Variants in SPOCK1 observed in about 807,000 individuals in gnomAD.
SPOCK1 encodes the protein testican-1.
Under a neutral mutation model 55.3 loss-of-function variants are expected in SPOCK1, and 23 were observed. The ratio of observed to expected loss-of-function variants is 0.42; its 90% CI spans 0.30 to 0.59. The LOEUF is 0.59. Ranked by LOEUF, SPOCK1 falls within the 20% of genes least tolerant of loss-of-function variation. SPOCK1 has a pLI of 0.22. For synonymous variants in SPOCK1, 226 were observed against 221.0 expected (o/e 1.02, Z -0.20); for missense variants, 499 against 552.5 (o/e 0.90, Z 0.97).
chr5:137,329,440 C>T (rs368455893), intron 2 of SPOCK1, among the ~76,000 whole-genome samples: 1 of 152,044 alleles, frequency 6.6e-6, no homozygotes, highest in African/African-American at 2.4e-5. Flanking sequence ...GGTTCTTTTT[C>T]TCTGGAGAAC....
chr5:137,424,907 G>A (rs1528966), intron 2 of SPOCK1, among the ~76,000 whole-genome samples: 56,100 of 152,034 alleles, frequency 0.37, 11,129 homozygotes, highest in East Asian at 0.64. Flanking sequence ...ATTTACATGC[G>A]TGAATACATT....
chr5:137,359,605 G>A (rs1750896785), intron 2 of SPOCK1, among the ~76,000 whole-genome samples: 1 of 152,190 alleles, frequency 6.6e-6, no homozygotes, highest in Admixed American at 6.5e-5. Flanking sequence ...GTAAAGAAAT[G>A]CAAATTGTGT....
At chr5:137,130,267 T>C (rs1227062318) in intron 4 of SPOCK1, among the ~76,000 whole-genome samples, 1 of 152,232 alleles carries the variant, frequency 6.6e-6, no homozygotes, top group African/African-American at 2.4e-5. Context: ...ATACTTATTT[T>C]TTTTCATCTG....
chr5:137,443,167 C>T (rs1580930042), intron 2 of SPOCK1, among the ~76,000 whole-genome samples: 2 of 152,074 alleles, frequency 1.3e-5, no homozygotes, highest in South Asian at 4.1e-4. Context: ...TATTTAAACT[C>T]GGAGCCCCTA....
In SPOCK1 at chr5:137,487,621, A is replaced by G. The variant is rs80069462; in HGVS notation, c.186+10752T>C. Among the ~76,000 whole-genome samples the G allele has an allele frequency of 2.7e-3, 404 of 152,352 alleles. 1 individual carries two copies. Among genetic ancestry groups the G allele is most frequent in the African/African-American group, 9.0e-3 (375 of 41,566 alleles). ...CCTTCATTTCGTCTGTGCAGAAAACATATCAGTTGGGTTAGATACAAAGTC... is the reference window on the plus strand; with the variant it reads ...CCTTCATTTCGTCTGTGCAGAAAACGTATCAGTTGGGTTAGATACAAAGTC... On this transcript the variant is annotated intron_variant, in intron 2 of 10. Transcript: ENST00000394945.
intron 2 of SPOCK1, among the ~76,000 whole-genome samples, chr5:137,427,907 T>TAA (rs75837887): frequency 0.013 from 1,381 of 104,132 alleles, 16 homozygotes; most frequent in African/African-American, 0.038. Flanking sequence ...AGACTCCGTC[T>TAA]AAAAAAAAAA....
Position 137,417,939 on chromosome 5 carries a change from T to C in SPOCK1, c.186+80434A>G, listed in dbSNP as rs530943779. The stretch of plus-strand genomic sequence containing the variant: ...ATTTAACATTAGGTATATCTCCTAA[T>C]GCTATTCCTCCCCCCTCCCGCTACC... On this transcript the variant is annotated intron_variant, in intron 2 of 10. Transcript: ENST00000394945. Among the ~76,000 whole-genome samples, 35 of 152,344 alleles carry C rather than the reference T, an allele frequency of 2.3e-4. No individual in the cohort carries two copies. In the South Asian group the frequency reaches 4.6e-3, roughly 20 times the overall value.
chr5:136,989,460 G>C (rs566566799), intron 7 of SPOCK1, among the ~76,000 whole-genome samples: 39 of 152,118 alleles, frequency 2.6e-4, no homozygotes, highest in Non-Finnish European at 4.7e-4. Context: ...TGGATTTCTA[G>C]GGCTAGTTGT....
intron 3 of SPOCK1, among the ~76,000 whole-genome samples, chr5:137,153,361 T>C (rs1297291738): frequency 6.6e-6 from 1 of 152,234 alleles, no homozygotes; most frequent in East Asian, 1.9e-4. Flanking sequence ...CTTTTATTGT[T>C]TTGTTTCACA....
intron 2 of SPOCK1, among the ~76,000 whole-genome samples, chr5:137,474,001 A>T (rs1309251067): frequency 6.6e-6 from 1 of 152,228 alleles, no homozygotes; most frequent in Admixed American, 6.5e-5. Context: ...TGGAAAATCA[A>T]ATATCACATG....
chr5:137,441,314 A>G (rs1184826907), intron 2 of SPOCK1, among the ~76,000 whole-genome samples: 1 of 152,238 alleles, frequency 6.6e-6, no homozygotes, highest in Admixed American at 6.5e-5. Context: ...GCAGAGGGCC[A>G]CTGCCTCAGC....
chr5:137,106,885 C>T (rs1753381296), intron 5 of SPOCK1, among the ~76,000 whole-genome samples: 1 of 152,196 alleles, frequency 6.6e-6, no homozygotes, highest in Non-Finnish European at 1.5e-5. Context: ...CCCTACCTCA[C>T]ATGTGACCCA....
chr5:137,300,585 T>A (rs1337883401), intron 2 of SPOCK1, among the ~76,000 whole-genome samples: 1 of 152,228 alleles, frequency 6.6e-6, no homozygotes, highest in Non-Finnish European at 1.5e-5. Context: ...CAGCTGAAAC[T>A]GCTCAGTTCT....
At chr5:137,030,378 C>T (rs765868223) in intron 6 of SPOCK1, among the ~76,000 whole-genome samples, 4 of 152,174 alleles carry the variant, frequency 2.6e-5, no homozygotes, top group South Asian at 4.1e-4. Context: ...GTGACTACGC[C>T]ATGGCAATTC....
chr5:137,067,930 G>C, intron 5 of SPOCK1, 101 bp from the exon 6 acceptor site: 3 of 924,368 alleles, frequency 3.2e-6, no homozygotes, highest in Non-Finnish European at 1.7e-6. Flanking sequence ...CAAAAGCAAA[G>C]ACAAAGCAGG....
intron 2 of SPOCK1, among the ~76,000 whole-genome samples, chr5:137,372,480 C>A (rs1253681242): frequency 2.6e-5 from 4 of 152,098 alleles, no homozygotes; most frequent in Non-Finnish European, 4.4e-5. Flanking sequence ...AAGGCACCAT[C>A]ACTAAAACTT....
intron 2 of SPOCK1, among the ~76,000 whole-genome samples, chr5:137,348,374 T>C (rs904307471): frequency 1.4e-5 from 2 of 147,696 alleles, no homozygotes; most frequent in Admixed American, 1.4e-4. Context: ...ATCAAATCCA[T>C]ACAGCAAGTG....
intron 2 of SPOCK1, among the ~76,000 whole-genome samples, chr5:137,401,277 G>A (rs1580905358): frequency 6.6e-6 from 1 of 151,068 alleles, no homozygotes; most frequent in Non-Finnish European, 1.5e-5. Context: ...AGAGTCTTGT[G>A]GGGGGCAGGG....
intron 2 of SPOCK1, among the ~76,000 whole-genome samples, chr5:137,307,351 A>G (rs887559185): frequency 5.3e-5 from 8 of 152,198 alleles, no homozygotes; most frequent in Non-Finnish European, 2.9e-5. Flanking sequence ...TGATTTACCT[A>G]CTTTTCTCCA....
Sources: allele counts gnomAD v4.1 joint callset (sites outside exome capture counted in the v4.1 genomes callset), GRCh38; gene constraint gnomAD v4.1.1; transcripts MANE v1.5; gene names NCBI Gene and HGNC (gene_info 2026-07-23, HGNC 2026-07-21).